The following RRP15 variants were observed in gnomAD, a reference collection of about 807,000 sequenced individuals.
The protein encoded by RRP15 is RRP15-like protein.
A neutral mutation model predicts 27.1 loss-of-function variants in RRP15; 18 were observed. The ratio of observed to expected loss-of-function variants is 0.66; its 90% confidence interval spans 0.46 to 0.98. The LOEUF is 0.98. Ranked by LOEUF, RRP15 falls within the 50% of genes least tolerant of loss-of-function variation. The pLI, the probability that RRP15 is intolerant of heterozygous loss-of-function variation, is 0.00. For missense variants in RRP15, 359 were observed against 337.8 expected (o/e 1.06, Z -0.49); for synonymous variants, 107 against 109.4 (o/e 0.98, Z 0.14).
chr1:218,318,552 T>C (rs930177345), intron 4 of RRP15, among the ~76,000 whole-genome samples: 3 of 152,192 alleles, frequency 2.0e-5, no homozygotes, highest in Admixed American at 1.3e-4. Context: ...TTCTATGCCT[T>C]TTTCCTGTAA....
chr1:218,291,294 A>G (rs1324462237), intron 1 of RRP15, among the ~76,000 whole-genome samples: 1 of 151,506 alleles, frequency 6.6e-6, no homozygotes, highest in Non-Finnish European at 1.5e-5. Context: ...ATATACAAAA[A>G]ATTAGCCCAA....
At chr1:218,318,067 G>A (rs1225694067) in intron 4 of RRP15, among the ~76,000 whole-genome samples, 1 of 151,950 alleles carries the variant, frequency 6.6e-6, no homozygotes, top group Admixed American at 6.6e-5. Flanking sequence ...AAATTACAAA[G>A]AATAGTAATA....
At chr1:218,317,864 T>C (rs1426162697) in intron 4 of RRP15, among the ~76,000 whole-genome samples, 1 of 151,188 alleles carries the variant, frequency 6.6e-6, no homozygotes, top group Non-Finnish European at 1.5e-5. Context: ...GCCTCGCGAG[T>C]AGCTAGAGCC....
rs946481889 is a variant in RRP15 at position 218,337,439 on chromosome 1, C to A, written c.*6348C>A. Reference sequence around the variant, plus strand: ...ATAGCAAGAAATTTTTTAAAACTTACAAGTTCAGTGATATGAGGACATTTA... The same window carrying A: ...ATAGCAAGAAATTTTTTAAAACTTAAAAGTTCAGTGATATGAGGACATTTA... On this transcript the variant is annotated 3_prime_UTR_variant, in exon 5 of 5. Coordinates refer to ENST00000366932, the MANE Select transcript of RRP15 (RefSeq NM_016052.4). The A allele has an allele frequency of 6.6e-6, 1 of 152,140 alleles. No individual in the cohort carries two copies. Among genetic ancestry groups the A allele is most frequent in the East Asian group, 1.9e-4 (1 of 5,196 alleles). 9.4% of individuals were successfully genotyped at this position (152,140 alleles called of 1,614,324 possible).
intron 4 of RRP15, among the ~76,000 whole-genome samples, chr1:218,310,553 C>T (rs1341385106): frequency 6.6e-6 from 1 of 152,080 alleles, no homozygotes; most frequent in Non-Finnish European, 1.5e-5. Context: ...TTATAGTTAA[C>T]CATACTTTAG....
At chr1:218,309,872 A>G (rs570773188) in intron 4 of RRP15, among the ~76,000 whole-genome samples, 109 of 152,272 alleles carry the variant, frequency 7.2e-4, no homozygotes, top group Middle Eastern at 3.4e-3. Context: ...AACATTAGTT[A>G]CACCAGCTCT....
intron 1 of RRP15, among the ~76,000 whole-genome samples, chr1:218,300,003 T>C (rs1007724596): frequency 2.0e-5 from 3 of 152,108 alleles, no homozygotes; most frequent in African/African-American, 4.8e-5. Flanking sequence ...TTTAGTGTTA[T>C]GGGCAATAAT....
At chr1:218,328,579 C>T (rs1334983664) in intron 4 of RRP15, among the ~76,000 whole-genome samples, 1 of 151,956 alleles carries the variant, frequency 6.6e-6, no homozygotes, top group South Asian at 2.1e-4. Context: ...AGGAGAATGG[C>T]GTGAACCCGG....
rs906324176 is a variant in RRP15 at position 218,302,223 on chromosome 1, G to A, written c.140-71G>A. On this transcript the variant is annotated intron_variant, in intron 1 of 4. Coordinates refer to ENST00000366932, the MANE Select transcript of RRP15 (RefSeq NM_016052.4). ...GGGGACAGGCAGAGCTCCAGGAAGG[G>A]TTCGGGGGGCCTTGGCAGCCTCTGC... 1.4e-5 allele frequency: 17 copies of A among 1,234,518 alleles called. No homozygotes were observed. In the African/African-American group the frequency reaches 2.1e-4, roughly 15 times the overall value. The allele number at this position is 1,234,518 out of a possible 1,614,324, so 76.5% of individuals were successfully genotyped here.
chr1:218,312,414 AATTTT>A (rs1330465143), intron 4 of RRP15, among the ~76,000 whole-genome samples: 1 of 151,910 alleles, frequency 6.6e-6, no homozygotes, highest in African/African-American at 2.4e-5. Flanking sequence ...GGTAGTCACT[AATTTT>A]ATTTTATTTA....
chr1:218,323,513 C>T (rs531932122), intron 4 of RRP15, among the ~76,000 whole-genome samples: 2 of 152,176 alleles, frequency 1.3e-5, no homozygotes, highest in Non-Finnish European at 2.9e-5. Context: ...AGAAAAAGCA[C>T]TACAAGTTCC....
chr1:218,331,227 T>C lies in RRP15; in HGVS notation c.*136T>C, dbSNP rs1012303965. ...TTTGCCAGATTTCATATTTCCCCTTTTCATGTACACTTTATATATACTTCA... is the reference window on the plus strand; with the variant it reads ...TTTGCCAGATTTCATATTTCCCCTTCTCATGTACACTTTATATATACTTCA... On this transcript the variant is annotated 3_prime_UTR_variant, in exon 5 of 5. Transcript: ENST00000366932. The C allele has an allele frequency of 3.9e-5, 27 of 686,592 alleles. No individual in the cohort carries two copies. The highest frequency in any genetic ancestry group is 4.7e-6 in the Non-Finnish European group (2 of 424,292). 42.5% of individuals were successfully genotyped at this position (686,592 alleles called of 1,614,324 possible). A position where few individuals can be genotyped will look rare whatever the true frequency, so the allele number is the denominator to read the frequency against.
At chr1:218,314,781 A>C (rs900619079) in intron 4 of RRP15, among the ~76,000 whole-genome samples, 2 of 152,022 alleles carry the variant, frequency 1.3e-5, no homozygotes, top group Non-Finnish European at 2.9e-5. Context: ...TCACAAGGTC[A>C]GGAGATCGAA....
intron 1 of RRP15, among the ~76,000 whole-genome samples, chr1:218,299,192 AT>A (rs760921168): frequency 5.8e-4 from 88 of 152,138 alleles, no homozygotes; most frequent in African/African-American, 2.0e-3. Flanking sequence ...GGCATTTTTA[AT>A]TTGTTCATAT....
chr1:218,306,918 T>C (rs140193290), intron 3 of RRP15, among the ~76,000 whole-genome samples: 1 of 152,332 alleles, frequency 6.6e-6, no homozygotes, highest in East Asian at 1.9e-4. Context: ...ACCAGTCACA[T>C]TTCAAGTGCT....
At chr1:218,312,407 A>C (rs533285676) in intron 4 of RRP15, among the ~76,000 whole-genome samples, 2 of 151,706 alleles carry the variant, frequency 1.3e-5, no homozygotes, top group Non-Finnish European at 2.9e-5. Context: ...AATAATTGGT[A>C]GTCACTAATT....
At chr1:218,317,397 G>A (rs917813576) in intron 4 of RRP15, among the ~76,000 whole-genome samples, 3 of 152,214 alleles carry the variant, frequency 2.0e-5, no homozygotes, top group Non-Finnish European at 4.4e-5. Context: ...GCAAGACTAG[G>A]AAGAGAATGG....
At chr1:218,309,421 A>G (rs184702353) in intron 4 of RRP15, among the ~76,000 whole-genome samples, 20 of 152,312 alleles carry the variant, frequency 1.3e-4, no homozygotes, top group Admixed American at 3.9e-4. Flanking sequence ...GCGGTGGCTC[A>G]TGCCTGTAAT....
Position 218,330,934 on chromosome 1 carries a change from A to G in RRP15, c.706-14A>G, listed in dbSNP as rs748129510. ...ATTGACTTTTGAATATTTTGATTCT[A>G]TAATTTTCCTTAGACTGAAGTGAAA... On this transcript the variant is annotated splice_polypyrimidine_tract_variant and intron_variant, in intron 4 of 4. Transcript: ENST00000366932. The G allele has an allele frequency of 1.2e-6, 2 of 1,607,168 alleles. No homozygotes were observed. Among genetic ancestry groups the G allele is most frequent in the East Asian group, 2.2e-5 (1 of 44,814 alleles).
Sources: allele counts gnomAD v4.1 joint callset (sites outside exome capture counted in the v4.1 genomes callset), GRCh38; gene constraint gnomAD v4.1.1; transcripts MANE v1.5; gene names NCBI Gene and HGNC (gene_info 2026-07-23, HGNC 2026-07-21).